IGF2BP1: variants seen among roughly 807,000 people sequenced by gnomAD.
IGF2BP1 encodes insulin like growth factor 2 mRNA binding protein 1.
Under a neutral mutation model 74.9 loss-of-function variants are expected in IGF2BP1, and 11 were observed. The observed-to-expected ratio is 0.15, with a 90% CI of 0.09 to 0.24. The LOEUF is 0.24. IGF2BP1 is among the 10% of genes least tolerant of loss of function. The pLI is 1.00. For synonymous variants in IGF2BP1, 287 were observed against 281.8 expected (o/e 1.02, Z -0.18); for missense variants, 440 against 757.4 (o/e 0.58, Z 4.92).
chr17:48,999,048 C>T (rs763078017), intron 1 of IGF2BP1, 61 bp from the exon 2 acceptor site: 4 of 1,036,340 alleles, frequency 3.9e-6, no homozygotes, highest in Non-Finnish European at 6.0e-6. Flanking sequence ...TTTCCCCTTC[C>T]TCTTCCCACC....
chr17:49,038,855 C>G (rs937446646), intron 6 of IGF2BP1, among the ~76,000 whole-genome samples: 21 of 150,552 alleles, frequency 1.4e-4, no homozygotes, highest in African/African-American at 5.2e-4. Context: ...CATTCTGCCA[C>G]TGCCACCTTC....
At chr17:49,016,920 G>A (rs961140681) in intron 2 of IGF2BP1, among the ~76,000 whole-genome samples, 4 of 135,136 alleles carry the variant, frequency 3.0e-5, no homozygotes, top group African/African-American at 1.1e-4. Context: ...CCCCGCCCCC[G>A]CCCCCTTTCT....
intron 4 of IGF2BP1, among the ~76,000 whole-genome samples, chr17:49,027,369 C>G (rs1430295296): frequency 6.6e-6 from 1 of 152,184 alleles, no homozygotes; most frequent in East Asian, 1.9e-4. Flanking sequence ...CTTCGTGTTT[C>G]TTGCTTTTGG....
intron 5 of IGF2BP1, among the ~76,000 whole-genome samples, chr17:49,033,351 AT>A (rs200039160): frequency 7.0e-6 from 1 of 143,072 alleles, no homozygotes; most frequent in Non-Finnish European, 1.5e-5. Context: ...TTTTTATTTT[AT>A]TTTTTTTGAG....
rs544864086 is a variant in IGF2BP1 at position 49,007,691 on chromosome 17, A to G, written c.236+8522A>G. ...CAACTTTCCATTCGGGACTCTGAGG[A>G]AGAGAAAATGAGGGAGACAGGAACT... On this transcript the variant is annotated intron_variant, in intron 2 of 14. Transcript: ENST00000290341. Among the ~76,000 whole-genome samples the G allele has an allele frequency of 2.0e-5, 3 of 152,242 alleles. No individual in the cohort carries two copies. The East Asian group carries it at 5.8e-4, about 29-fold the overall frequency.
chr17:49,046,207 C>T (rs1054644991), intron 13 of IGF2BP1, 53 bp from the exon 14 acceptor site: 3 of 1,528,640 alleles, frequency 2.0e-6, no homozygotes, highest in Admixed American at 1.7e-5. Context: ...CTCCCTCCAA[C>T]CCCACCCATG....
chr17:48,999,572 C>T (rs1473843190), intron 2 of IGF2BP1, among the ~76,000 whole-genome samples: 1 of 152,124 alleles, frequency 6.6e-6, no homozygotes, highest in African/African-American at 2.4e-5. Context: ...GTTTTTCCCA[C>T]TCTTTCCACA....
upstream of IGF2BP1, among the ~76,000 whole-genome samples, chr17:48,996,645 G>A (rs758453198): frequency 6.6e-6 from 1 of 152,140 alleles, no homozygotes; most frequent in Non-Finnish European, 1.5e-5. Context: ...CCAGTTCCGC[G>A]TGTTCCCCTC....
intron 2 of IGF2BP1, among the ~76,000 whole-genome samples, chr17:49,023,696 T>G (rs2041818470): frequency 6.6e-6 from 1 of 152,228 alleles, no homozygotes; most frequent in African/African-American, 2.4e-5. Flanking sequence ...TAGACTTTCT[T>G]GCTTTCTAGT....
rs189195373 is a variant in IGF2BP1, at chr17:49,011,009, C to T, written c.236+11840C>T. On this transcript the variant is annotated intron_variant, in intron 2 of 14. Coordinates refer to ENST00000290341, the MANE Select transcript of IGF2BP1 (RefSeq NM_006546.4). Reference sequence around the variant, plus strand: ...AAAACTAGCCAGGCATGGTGGCGCGCACCTGTAATCCCAGCTTCTCGGGGA... The same window carrying T: ...AAAACTAGCCAGGCATGGTGGCGCGTACCTGTAATCCCAGCTTCTCGGGGA... Among the ~76,000 whole-genome samples, 1,419 of 151,492 alleles carry T rather than the reference C, an allele frequency of 9.4e-3. 13 individuals are homozygous for T. Among genetic ancestry groups the T allele is most frequent in the Non-Finnish European group, 0.014 (937 of 67,810 alleles).
At position 49,032,933 on chromosome 17, in the gene IGF2BP1, A is replaced by C. The variant is rs559674378; in HGVS notation, c.401+960A>C. ...TGGGCTCAAGCAATCCTCCCACCTCAGCCTCCCAAGTAGGTGGGACTACAG... is the reference window on the plus strand; with the variant it reads ...TGGGCTCAAGCAATCCTCCCACCTCCGCCTCCCAAGTAGGTGGGACTACAG... On this transcript the variant is annotated intron_variant, in intron 5 of 14. Transcript: ENST00000290341. Among the ~76,000 whole-genome samples the C allele has an allele frequency of 7.2e-5, 11 of 152,132 alleles. No individual in the cohort carries two copies. In the South Asian group the frequency reaches 1.5e-3, roughly 20 times the overall value.
chr17:48,999,725 C>A (rs1282066524), intron 2 of IGF2BP1, among the ~76,000 whole-genome samples: 2 of 151,892 alleles, frequency 1.3e-5, no homozygotes, highest in African/African-American at 4.8e-5. Flanking sequence ...CCCCCCACCC[C>A]CAATCCCTCA....
chr17:49,013,776 A>AC (rs2041653703), intron 2 of IGF2BP1: 1 of 151,444 alleles, frequency 6.6e-6, no homozygotes. Flanking sequence ...CCTGGGCCCC[A>AC]CCCCCACCCC....
intron 11 of IGF2BP1, 50 bp from the exon 12 acceptor site, chr17:49,044,941 G>T: frequency 2.0e-6 from 3 of 1,469,834 alleles, no homozygotes; most frequent in Non-Finnish European, 2.9e-6. Context: ...TGGACATGGT[G>T]GGGGTCTTCC....
intron 4 of IGF2BP1, among the ~76,000 whole-genome samples, chr17:49,028,566 G>T (rs2099424850): frequency 6.6e-6 from 1 of 152,172 alleles, no homozygotes; most frequent in Admixed American, 6.5e-5. Flanking sequence ...AGTGGCTTGG[G>T]AGCAAGTGCA....
chr17:49,037,700 G>T (rs1382012812), intron 5 of IGF2BP1, among the ~76,000 whole-genome samples: 2 of 152,220 alleles, frequency 1.3e-5, no homozygotes, highest in African/African-American at 4.8e-5. Flanking sequence ...TTAGGAGTAT[G>T]TAGTAGTTAG....
intron 4 of IGF2BP1, among the ~76,000 whole-genome samples, chr17:49,028,550 T>G (rs1418412496): frequency 1.3e-5 from 2 of 152,204 alleles, no homozygotes; most frequent in African/African-American, 4.8e-5. Flanking sequence ...AACAGTAAGA[T>G]TGAGCAGTGG....
At chr17:48,997,303 T>G (rs1033420090), upstream of IGF2BP1, 27 of 152,588 alleles carry the variant, frequency 1.8e-4, no homozygotes, top group East Asian at 1.2e-3. This position sits in a 1 kb window ranked among gnomAD's most constrained non-coding sequence, Gnocchi z 4.8. Flanking sequence ...CGAGGGGCCC[T>G]GTGGCGTCGG....
Position 49,038,224 on chromosome 17 carries a change from A to G in IGF2BP1, c.458A>G (p.Tyr153Cys). The part of the protein sequence containing the change: ...QLENHALKVS[Y>C]IPDEQIAQGP... ...GAGAACCATGCCCTGAAGGTCTCCT[A>G]CATCCCCGATGAGCAGATAGCACAG... The change falls in exon 6 of 15, where the codon TAC becomes TGC. Residue 153 changes from tyrosine to cysteine, a missense_variant. Coordinates refer to ENST00000290341, the MANE Select transcript of IGF2BP1 (RefSeq NM_006546.4). 6.4e-7 allele frequency: 1 copy of G among 1,563,466 alleles called. No homozygotes were observed. The highest frequency in any genetic ancestry group is 8.7e-7 in the Non-Finnish European group (1 of 1,152,436).
Sources: allele counts gnomAD v4.1 joint callset (sites outside exome capture counted in the v4.1 genomes callset), GRCh38; gene constraint gnomAD v4.1.1; non-coding constraint Gnocchi (gnomAD v3.1); transcripts MANE v1.5; gene names NCBI Gene and HGNC (gene_info 2026-07-23, HGNC 2026-07-21).